The following SAMD12 variants were observed in gnomAD, a reference collection of about 807,000 sequenced individuals.
The protein encoded by SAMD12 is sterile alpha motif domain-containing protein 12.
In SAMD12, 9 loss-of-function variants were observed where a neutral mutation model predicts 15.0. That is an observed-to-expected ratio of 0.60 (90% CI 0.36 to 1.05). The LOEUF is 1.05. Ranked by LOEUF, SAMD12 falls within the 50% of genes least tolerant of loss-of-function variation. The pLI, the probability that SAMD12 is intolerant of heterozygous loss-of-function variation, is 0.01. For synonymous variants in SAMD12, 86 were observed against 90.1 expected (o/e 0.96, Z 0.25); for missense variants, 230 against 234.2 (o/e 0.98, Z 0.12).
intron 2 of SAMD12, among the ~76,000 whole-genome samples, chr8:118,492,234 T>C (rs1463198644): frequency 6.6e-6 from 1 of 151,972 alleles, no homozygotes; most frequent in East Asian, 1.9e-4. Flanking sequence ...CACATTTTCA[T>C]ATGCCTATTG....
chr8:118,434,424 A>G (rs913560042), intron 3 of SAMD12, among the ~76,000 whole-genome samples: 3 of 152,204 alleles, frequency 2.0e-5, no homozygotes, highest in Non-Finnish European at 2.9e-5. Flanking sequence ...CAGCTTTTAA[A>G]AAATATTTTA....
At chr8:118,536,655 A>C (rs544502024) in intron 2 of SAMD12, among the ~76,000 whole-genome samples, 1 of 152,256 alleles carries the variant, frequency 6.6e-6, no homozygotes, top group African/African-American at 2.4e-5. Flanking sequence ...TAAAAACTAT[A>C]CTTTAACTTT....
chr8:118,132,911 G>C, the SAMD12 span, among the ~76,000 whole-genome samples: 8 of 143,548 alleles, frequency 5.6e-5, no homozygotes, highest in East Asian at 6.1e-4. Flanking sequence ...ATTGTGGTGA[G>C]AGAATATTTA....
intron 3 of SAMD12, among the ~76,000 whole-genome samples, chr8:118,414,387 T>TG (rs1019885975): frequency 2.7e-5 from 1 of 37,066 alleles, no homozygotes; most frequent in South Asian, 8.8e-4. Flanking sequence ...CCACATCTAA[T>TG]TTTTTTTTAA....
intron 2 of SAMD12, among the ~76,000 whole-genome samples, chr8:118,451,209 A>G (rs1334506088): frequency 6.6e-6 from 1 of 152,168 alleles, no homozygotes; most frequent in Middle Eastern, 3.2e-3. Context: ...TCATGATAGC[A>G]CTCTAATTTG....
At chr8:118,267,471 A>G (rs148337717) in intron 4 of SAMD12, among the ~76,000 whole-genome samples, 1 of 152,252 alleles carries the variant, frequency 6.6e-6, no homozygotes, top group Non-Finnish European at 1.5e-5. Flanking sequence ...GCTGGGGTAC[A>G]TCATTTCATC....
chr8:118,437,116 C>T (rs1372257071), intron 3 of SAMD12, among the ~76,000 whole-genome samples: 2 of 152,180 alleles, frequency 1.3e-5, no homozygotes, highest in Non-Finnish European at 2.9e-5. Context: ...TCATCACAGC[C>T]TCCAAGAGTA....
rs1485080090 is a variant in SAMD12, at chr8:118,335,256, C to G, written c.433+44304G>C. 9.2e-5 allele frequency among the ~76,000 whole-genome samples: 14 copies of G among 152,178 alleles called. No individual in the cohort carries two copies. In the East Asian group the frequency reaches 2.7e-3, roughly 29 times the overall value. Reference sequence around the variant, plus strand: ...TCCCAATGTGGCTCATCCAGGACTGCTATTGTTGTCTCAACCAACAAATCC... The same window carrying G: ...TCCCAATGTGGCTCATCCAGGACTGGTATTGTTGTCTCAACCAACAAATCC... On this transcript the variant is annotated intron_variant, in intron 4 of 4. Transcript: ENST00000409003.
At chr8:118,431,326 TC>T (rs1198547808) in intron 3 of SAMD12, among the ~76,000 whole-genome samples, 1 of 152,206 alleles carries the variant, frequency 6.6e-6, no homozygotes, top group Non-Finnish European at 1.5e-5. Flanking sequence ...TTATTCATTT[TC>T]TGACATTCTT....
chr8:118,247,992 G>A (rs1423324902), intron 4 of SAMD12, among the ~76,000 whole-genome samples: 1 of 152,134 alleles, frequency 6.6e-6, no homozygotes, highest in African/African-American at 2.4e-5. Context: ...GCCAAATGGT[G>A]CCAGACAGTC....
intron 2 of SAMD12, among the ~76,000 whole-genome samples, chr8:118,469,071 G>C (rs1446000685): frequency 6.6e-6 from 1 of 152,086 alleles, no homozygotes; most frequent in African/African-American, 2.4e-5. Context: ...CTGTCCACTA[G>C]CAGGTCAAGG....
At chr8:118,482,680 G>A (rs1824161399) in intron 2 of SAMD12, among the ~76,000 whole-genome samples, 1 of 152,156 alleles carries the variant, frequency 6.6e-6, no homozygotes, top group South Asian at 2.1e-4. Flanking sequence ...CACAGATTTT[G>A]ATATCTGTGG....
At chr8:118,351,787 A>G (rs940823680) in intron 4 of SAMD12, among the ~76,000 whole-genome samples, 19 of 152,162 alleles carry the variant, frequency 1.2e-4, no homozygotes, top group African/African-American at 4.3e-4. Flanking sequence ...CAACCTGCAG[A>G]GTGTGTCTAA....
At chr8:118,571,808 CAGGGTCCTCATGG>C (rs1199441050) in intron 2 of SAMD12, among the ~76,000 whole-genome samples, 3 of 152,214 alleles carry the variant, frequency 2.0e-5, no homozygotes, top group Non-Finnish European at 4.4e-5. Context: ...GCTGTAGGGG[CAGGGTCCTCATGG>C]AGAACCTCTG....
At chr8:118,329,582 G>A (rs1255341663) in intron 4 of SAMD12, among the ~76,000 whole-genome samples, 1 of 152,024 alleles carries the variant, frequency 6.6e-6, no homozygotes, top group Non-Finnish European at 1.5e-5. Flanking sequence ...TGCTGTACTT[G>A]TGTTCATTAT....
intron 2 of SAMD12, among the ~76,000 whole-genome samples, chr8:118,515,335 T>G (rs7823939): frequency 0.39 from 58,323 of 151,392 alleles, 11,365 homozygotes; most frequent in Admixed American, 0.44. Flanking sequence ...TCTTTCTTCC[T>G]CCTGGCTCCA....
chr8:118,302,286 C>A (rs1038969910), intron 4 of SAMD12, among the ~76,000 whole-genome samples: 5 of 151,866 alleles, frequency 3.3e-5, no homozygotes, highest in African/African-American at 9.7e-5. Context: ...AGTAGCATCT[C>A]GAATTTGTAG....
At chr8:118,169,646 T>C in the SAMD12 span, among the ~76,000 whole-genome samples, 1 of 152,306 alleles carries the variant, frequency 6.6e-6, no homozygotes, top group South Asian at 2.1e-4. Context: ...CTGACCCCAA[T>C]GTTTCTTTCA....
chr8:118,311,810 T>C (rs2130393147), intron 4 of SAMD12, among the ~76,000 whole-genome samples: 1 of 152,356 alleles, frequency 6.6e-6, no homozygotes, highest in African/African-American at 2.4e-5. Flanking sequence ...TTGATTTCAA[T>C]AATCACCATC....
Sources: allele counts gnomAD v4.1 joint callset (sites outside exome capture counted in the v4.1 genomes callset), GRCh38; gene constraint gnomAD v4.1.1; transcripts MANE v1.5; gene names NCBI Gene and HGNC (gene_info 2026-07-23, HGNC 2026-07-21).